Variants in MCM7 observed in about 807,000 individuals in gnomAD.
The protein encoded by MCM7 is DNA replication licensing factor MCM7.
In MCM7, 95 loss-of-function variants were observed where a neutral mutation model predicts 83.5. The ratio of observed to expected loss-of-function variants is 1.14; its 90% CI spans 0.96 to 1.35. MCM7 has a LOEUF of 1.35. Among genes scored for constraint, MCM7 ranks in the 40% most tolerant of loss-of-function variants. The pLI, the probability that MCM7 is intolerant of heterozygous loss-of-function variation, is 0.00. For synonymous variants in MCM7, 461 were observed against 352.7 expected (o/e 1.31, Z -3.44); for missense variants, 1,087 against 957.4 (o/e 1.14, Z -1.79).
chr7:100,092,898 A>C lies in MCM7; in HGVS notation c.*34T>G. On this transcript the variant is annotated 3_prime_UTR_variant, in exon 15 of 15. Coordinates refer to ENST00000303887, the MANE Select transcript of MCM7 (RefSeq NM_005916.5). ...TTCCCAAGGGGCAGGCCAGCAGGGA[A>C]CAAGAGGACCCCAGGGTTGCAAGCA... The C allele has an allele frequency of 6.2e-7, 1 of 1,611,442 alleles. No homozygotes were observed. The highest frequency in any genetic ancestry group is 8.5e-7 in the Non-Finnish European group (1 of 1,177,624).
chr7:100,097,726 C>T lies in MCM7; in HGVS notation c.1005G>A (p.Lys335=). Residue 335 remains lysine, a synonymous_variant, in exon 9 of 15, where the codon AAG becomes AAA. Transcript: ENST00000303887. ...TTTCTGGGGCGATTGAAGCTGCCAG[C>T]TTTTCGTAGAAATCCTCCTCTGTAG... ...RQIAEEDFYE[K]LAASIAPEIY... is the part of the protein sequence containing the mutation. 1 of 1,614,188 alleles carries T rather than the reference C, an allele frequency of 6.2e-7. No individual in the cohort carries two copies. Among genetic ancestry groups the T allele is most frequent in the Non-Finnish European group, 8.5e-7 (1 of 1,180,044 alleles).
intron 2 of MCM7, 105 bp downstream of exon 2, chr7:100,099,909 C>T: frequency 1.4e-6 from 2 of 1,426,036 alleles, no homozygotes; most frequent in Non-Finnish European, 9.8e-7. Flanking sequence ...CTTTTCAGCC[C>T]TCAAACCCTC....
chr7:100,099,325 C>T lies in MCM7; in HGVS notation c.355G>A (p.Val119Ile), dbSNP rs200119844. 1 of 1,613,850 alleles carries T rather than the reference C, an allele frequency of 6.2e-7. No individual in the cohort carries two copies. Among genetic ancestry groups the T allele is most frequent in the Non-Finnish European group, 8.5e-7 (1 of 1,180,000 alleles). ...GGGTACTGGTTCTGGGGGCTTCGGACCATCCCAGGGTCCCGACTCCGCTGC... is the reference window on the plus strand; with the variant it reads ...GGGTACTGGTTCTGGGGGCTTCGGATCATCCCAGGGTCCCGACTCCGCTGC... ...MEQRSRDPGM[V>I]RSPQNQYPAE... Residue 119 changes from valine to isoleucine, a missense_variant, in exon 4 of 15, where the codon GTC becomes ATC. Val to Ile is a conservative substitution (Grantham distance 29). Transcript: ENST00000303887.
chr7:100,093,008 T>A lies in MCM7; in HGVS notation c.2084A>T (p.Gln695Leu), dbSNP rs766789522. The A allele has an allele frequency of 6.8e-6, 11 of 1,614,106 alleles. No homozygotes were observed. Among genetic ancestry groups the A allele is most frequent in the Non-Finnish European group, 9.3e-6 (11 of 1,180,048 alleles). ...VSRGFTPAQF[Q>L]AALDEYEELN... ...CTCCTCATATTCATCCAGAGCCGCC[T>A]GGAACTGGGCGGGTGTGAAGCCACG... Residue 695 changes from glutamine to leucine, a missense_variant, in exon 15 of 15, where the codon CAG becomes CTG. Physicochemically the swap from Gln to Leu is moderately radical, Grantham distance 113 (BLOSUM62 -2). Coordinates refer to ENST00000303887, the MANE Select transcript of MCM7 (RefSeq NM_005916.5).
chr7:100,100,878 T>C lies in MCM7; in HGVS notation c.31+386A>G, dbSNP rs1046771064. 8.6e-6 allele frequency: 9 copies of C among 1,047,470 alleles called. No individual in the cohort carries two copies. In the African/African-American group the frequency reaches 1.0e-4, roughly 12 times the overall value. The allele number at this position is 1,047,470 out of a possible 1,614,324, so 64.9% of individuals were successfully genotyped here. A position where few individuals can be genotyped will look rare whatever the true frequency, so the allele number is the denominator to read the frequency against. ...CCCGCCCCCGGGGCCTACGCGCGCC[T>C]GGGGAGGGCGCGGGAACCTGGGAAT... On this transcript the variant is annotated intron_variant, in intron 1 of 14. Transcript: ENST00000303887.
rs1795811977 is a variant in MCM7 at position 100,099,330 on chromosome 7, C to A, written c.350G>T (p.Gly117Val). 1.2e-6 allele frequency: 2 copies of A among 1,613,812 alleles called. No individual in the cohort carries two copies. The highest frequency in any genetic ancestry group is 1.7e-6 in the Non-Finnish European group (2 of 1,179,972). The change falls in exon 4 of 15, where the codon GGG (glycine) becomes GTG (valine). Residue 117 changes from glycine to valine, a missense_variant. Gly to Val is a moderately radical substitution (Grantham distance 109). Coordinates refer to ENST00000303887, the MANE Select transcript of MCM7 (RefSeq NM_005916.5). ...CTGGTTCTGGGGGCTTCGGACCATC[C>A]CAGGGTCCCGACTCCGCTGCTCCAT... The part of the protein sequence containing the change: ...LMMEQRSRDP[G>V]MVRSPQNQYP...
At position 100,100,108 on chromosome 7, in the gene MCM7, G is replaced by A. The variant is rs1331882252; in HGVS notation, c.32-15C>T. The A allele has an allele frequency of 1.9e-6, 3 of 1,613,286 alleles. No homozygotes were observed. Among genetic ancestry groups the A allele is most frequent in the Admixed American group, 1.7e-5 (1 of 59,936 alleles). Reference sequence around the variant, plus strand: ...CTTAACCTTTTCTGTAACATGAAATGTAAAACCGTAAGACACAAACTTTAA... The same window carrying A: ...CTTAACCTTTTCTGTAACATGAAATATAAAACCGTAAGACACAAACTTTAA... On this transcript the variant is annotated splice_polypyrimidine_tract_variant and intron_variant, in intron 1 of 14. Coordinates refer to ENST00000303887, the MANE Select transcript of MCM7 (RefSeq NM_005916.5).
rs772105004 is a variant in MCM7 at position 100,097,811 on chromosome 7, CCTCT to C, written c.985+19_985+22del. The C allele has an allele frequency of 1.9e-6, 3 of 1,613,932 alleles. No individual in the cohort carries two copies. Among genetic ancestry groups the C allele is most frequent in the Middle Eastern group, 3.3e-4 (2 of 6,062 alleles). ...GGGAGCTAGGATGTAAACGGAATTT[CCTCT>C]CTCTCCCCTGCCCCTCACCTGCAAT... On this transcript the variant is annotated intron_variant, in intron 8 of 14. Transcript: ENST00000303887.
Position 100,097,305 on chromosome 7 carries a change from A to G in MCM7, c.1197T>C (p.Pro399=), listed in dbSNP as rs1385417011. Reference sequence around the variant, plus strand: ...CCGCAAAGCCCAACTACTTACTGCGAGGCGCCAGTCGATCAATGTATGACA... The same window carrying G: ...CCGCAAAGCCCAACTACTTACTGCGGGGCGCCAGTCGATCAATGTATGACA... ...QLLSYIDRLA[P]RSQYTTGRGS... The change falls in exon 10 of 15, where the codon CCT becomes CCC. Residue 399 remains proline (P), a synonymous_variant. Transcript: ENST00000303887. 5.0e-6 allele frequency: 8 copies of G among 1,614,026 alleles called. No homozygotes were observed. In the South Asian group the frequency reaches 7.7e-5, roughly 16 times the overall value.
Position 100,093,169 on chromosome 7 carries a change from C to G in MCM7, c.1959-36G>C, listed in dbSNP as rs758257088. On this transcript the variant is annotated intron_variant, in intron 14 of 14. Transcript: ENST00000303887. ...TGAGTGGGTGTGTAAGGTCAGGATA[C>G]AAACAGGAATGCTCGACATCAACAG... 6.2e-6 allele frequency: 10 copies of G among 1,609,046 alleles called. No individual in the cohort carries two copies. The Admixed American group carries it at 1.5e-4, about 24-fold the overall frequency.
rs988284601 is a variant in MCM7, at chr7:100,100,695, GC to G, written c.31+568del. 50 of 989,186 alleles carry G rather than the reference GC, an allele frequency of 5.1e-5. No homozygotes were observed. In the East Asian group the frequency reaches 3.5e-3, roughly 69 times the overall value. The allele number at this position is 989,186 out of a possible 1,614,324, so 61.3% of individuals were successfully genotyped here. A position where few individuals can be genotyped will look rare whatever the true frequency, so the allele number is the denominator to read the frequency against. On this transcript the variant is annotated intron_variant, in intron 1 of 14. Transcript: ENST00000303887. Reference sequence around the variant, plus strand: ...GAGCGAAGCTCCGGATCCCAGGCACGCCCCCCCGGGCCGCAGCTCTCTCCGC... The same window carrying G: ...GAGCGAAGCTCCGGATCCCAGGCACGCCCCCCGGGCCGCAGCTCTCTCCGC...
intron 14 of MCM7, 45 bp downstream of exon 14, chr7:100,093,247 C>T: frequency 1.2e-6 from 2 of 1,600,916 alleles, no homozygotes; most frequent in Non-Finnish European, 1.7e-6. Flanking sequence ...CACATGGCCA[C>T]AGAAGACAAA....
chr7:100,092,778 G>A lies in MCM7; in HGVS notation c.*154C>T. On this transcript the variant is annotated 3_prime_UTR_variant, in exon 15 of 15. Coordinates refer to ENST00000303887, the MANE Select transcript of MCM7 (RefSeq NM_005916.5). ...AATGGAAGTCAGGCCCAGGCTAGAAGATGACAATCTACAAACACTTTTATT... is the reference window on the plus strand; with the variant it reads ...AATGGAAGTCAGGCCCAGGCTAGAAAATGACAATCTACAAACACTTTTATT... 1 of 766,656 alleles carries A rather than the reference G, an allele frequency of 1.3e-6. No homozygotes were observed. Among genetic ancestry groups the A allele is most frequent in the Non-Finnish European group, 2.1e-6 (1 of 475,630 alleles). The allele number at this position is 766,656 out of a possible 1,614,324, so 47.5% of individuals were successfully genotyped here. A position where few individuals can be genotyped will look rare whatever the true frequency, so the allele number is the denominator to read the frequency against.
intron 10 of MCM7, 85 bp from the exon 11 acceptor site, chr7:100,096,252 A>G: frequency 7.3e-7 from 1 of 1,366,138 alleles, no homozygotes; most frequent in African/African-American, 1.4e-5. Context: ...CAGGGAGGCG[A>G]GGCCTGCGCT....
intron 10 of MCM7, 103 bp downstream of exon 10, chr7:100,097,198 A>G (rs1795684383): frequency 1.3e-5 from 13 of 975,896 alleles, no homozygotes; most frequent in African/African-American, 3.2e-5. Flanking sequence ...CTCTCAGAGC[A>G]TTGGGATTAC....
rs1175476557 is a variant in MCM7, at chr7:100,100,093, T to C, written c.32A>G (p.Glu11Gly). 10 of 1,613,676 alleles carry C rather than the reference T, an allele frequency of 6.2e-6. No individual in the cohort carries two copies. The African/African-American group carries it at 1.1e-4, about 17-fold the overall frequency. The change falls in exon 2 of 15, where the codon GAA becomes GGA. Residue 11 changes from glutamate (E) to glycine (G), a missense_variant and splice_region_variant. By Grantham distance (98) the Glu-to-Gly change is moderately conservative. Transcript: ENST00000303887. ...CTCTTGTAAGAACTTCTTAACCTTT[T>C]CTGTAACATGAAATGTAAAACCGTA... Reference protein sequence around the residue: MALKDYALEKEKVKKFLQEFY... With the variant: MALKDYALEKGKVKKFLQEFY...
chr7:100,093,751 G>T, intron 13 of MCM7: 1 of 626,228 alleles, frequency 1.6e-6, no homozygotes, highest in Non-Finnish European at 3.1e-6. Flanking sequence ...GAAGACAATT[G>T]GCAGAGAGAA....
At chr7:100,100,956 T>A in intron 1 of MCM7, 3 of 1,034,044 alleles carry the variant, frequency 2.9e-6, no homozygotes, top group Non-Finnish European at 3.9e-6. Context: ...CTTAAGACTC[T>A]CCTGAGGTCC....
chr7:100,093,522 G>A (rs765413808), intron 13 of MCM7, 121 bp from the exon 14 acceptor site: 1 of 891,042 alleles, frequency 1.1e-6, no homozygotes, highest in Non-Finnish European at 1.9e-6. Flanking sequence ...CACAAAACAG[G>A]AGTGGAATCC....
Sources: allele counts gnomAD v4.1 joint callset, GRCh38; gene constraint gnomAD v4.1.1; transcripts MANE v1.5; gene names NCBI Gene and HGNC (gene_info 2026-07-23, HGNC 2026-07-21).